The following FAT3 variants were observed in gnomAD, a reference collection of about 807,000 sequenced individuals.
FAT3 encodes FAT atypical cadherin 3.
FAT3 carries 95 observed loss-of-function variants against 310.2 expected under a neutral mutation model. The observed-to-expected ratio is 0.31, with a 90% CI of 0.26 to 0.36. The LOEUF is 0.36. Ranked by LOEUF, FAT3 falls within the 10% of genes least tolerant of loss-of-function variation. FAT3 has a pLI of 1.00. For missense variants in FAT3, 5,408 were observed against 5,715.6 expected, an observed-to-expected ratio of 0.95 and a Z score of 1.74; for synonymous variants, 2,314 against 2,192.9, an observed-to-expected ratio of 1.06 and a Z score of -1.54.
chr11:92,341,168 T>G (rs1948251654), intron 1 of FAT3, among the ~76,000 whole-genome samples: 1 of 152,200 alleles, frequency 6.6e-6, no homozygotes, highest in African/African-American at 2.4e-5. Context: ...ACACTTTCTT[T>G]AAGGCGTGTC....
At chr11:92,721,517 C>A (rs982240878) in intron 4 of FAT3, among the ~76,000 whole-genome samples, 2 of 152,100 alleles carry the variant, frequency 1.3e-5, no homozygotes, top group African/African-American at 4.8e-5. Context: ...CAATAATGAT[C>A]CTAATAAATC....
intron 1 of FAT3, among the ~76,000 whole-genome samples, chr11:92,344,955 G>A (rs1948371878): frequency 6.6e-6 from 1 of 152,088 alleles, no homozygotes; most frequent in South Asian, 2.1e-4. Context: ...GGAGATGAGG[G>A]AGGTTTATTT....
chr11:92,380,239 A>G (rs1467963424), intron 2 of FAT3, among the ~76,000 whole-genome samples: 2 of 152,134 alleles, frequency 1.3e-5, no homozygotes, highest in Non-Finnish European at 1.5e-5. Flanking sequence ...TCCCATTTGC[A>G]GTTGACCTTT....
chr11:92,426,386 C>A (rs1389985847), intron 2 of FAT3, among the ~76,000 whole-genome samples: 1 of 151,898 alleles, frequency 6.6e-6, no homozygotes, highest in Non-Finnish European at 1.5e-5. Flanking sequence ...TAAATTAGAC[C>A]CCATTTGTCA....
intron 12 of FAT3, among the ~76,000 whole-genome samples, chr11:92,807,299 G>A (rs1947529816): frequency 1.3e-5 from 2 of 152,130 alleles, no homozygotes; most frequent in South Asian, 2.1e-4. Context: ...TTAATTCAAG[G>A]TGCTCAGCAT....
chr11:92,427,066 T>C (rs1193898095), intron 2 of FAT3, among the ~76,000 whole-genome samples: 9 of 152,204 alleles, frequency 5.9e-5, no homozygotes, highest in Admixed American at 5.2e-4. Context: ...TGGTGGTTTG[T>C]CATTCTCCTT....
At chr11:92,885,281 G>T (rs1195488970) in intron 24 of FAT3, among the ~76,000 whole-genome samples, 1 of 152,176 alleles carries the variant, frequency 6.6e-6, no homozygotes, top group African/African-American at 2.4e-5. Context: ...GTGCCCCCAT[G>T]TTGGTACCAT....
At chr11:92,378,945 C>G (rs1949421094) in intron 2 of FAT3, among the ~76,000 whole-genome samples, 1 of 152,146 alleles carries the variant, frequency 6.6e-6, no homozygotes, top group Non-Finnish European at 1.5e-5. Context: ...GTGATCTAAT[C>G]ACTTTCCAAA....
chr11:92,292,355 T>A (rs1946714360), intron 1 of FAT3, among the ~76,000 whole-genome samples: 1 of 152,032 alleles, frequency 6.6e-6, no homozygotes, highest in Non-Finnish European at 1.5e-5. Context: ...CAGAACTGTA[T>A]TTTTCCTCAA....
intron 4 of FAT3, among the ~76,000 whole-genome samples, chr11:92,716,245 T>G (rs987723326): frequency 2.0e-5 from 3 of 151,408 alleles, no homozygotes; most frequent in Non-Finnish European, 4.4e-5. Flanking sequence ...AGGATAGTTC[T>G]TCCTCATGGA....
At chr11:92,880,700 C>T (rs1949654031) in intron 22 of FAT3, 31 bp from the exon 23 acceptor site, 2 of 1,602,460 alleles carry the variant, frequency 1.2e-6, no homozygotes, top group South Asian at 1.1e-5. Flanking sequence ...GCAGTGGCAT[C>T]CATGGCTCAT....
chr11:92,623,409 T>G (rs1353616956), intron 3 of FAT3, among the ~76,000 whole-genome samples: 2 of 152,186 alleles, frequency 1.3e-5, no homozygotes, highest in Non-Finnish European at 2.9e-5. Context: ...TGCTATTAAG[T>G]TAGAATTGCA....
chr11:92,666,269 G>A (rs536472481), intron 3 of FAT3, among the ~76,000 whole-genome samples: 1 of 151,840 alleles, frequency 6.6e-6, no homozygotes, highest in Admixed American at 6.6e-5. Context: ...TGATAAAGGT[G>A]TTAATTTGGC....
At chr11:92,753,702 C>T (rs937568857) in intron 4 of FAT3, among the ~76,000 whole-genome samples, 1 of 151,634 alleles carries the variant, frequency 6.6e-6, no homozygotes, top group African/African-American at 2.4e-5. Context: ...ACCAGCAATC[C>T]AACCTCTGGG....
chr11:92,531,063 C>T (rs139550750), intron 3 of FAT3, among the ~76,000 whole-genome samples: 4 of 152,214 alleles, frequency 2.6e-5, no homozygotes, highest in Admixed American at 2.0e-4. Flanking sequence ...AAATGGCTGC[C>T]GGATGATGAG....
In FAT3 at chr11:92,404,146, T is replaced by C. The variant is rs79425953; in HGVS notation, c.3292+48742T>C. ...TTTGGAACTTTCATCCATAAACTCA[T>C]TCATTAGTTCCTCCATTCAACAAAT... On this transcript the variant is annotated intron_variant, in intron 2 of 27. Coordinates refer to ENST00000525166, the MANE Select transcript of FAT3 (RefSeq NM_001367949.2). Among the ~76,000 whole-genome samples the C allele has an allele frequency of 1.6e-3, 240 of 152,246 alleles. 7 individuals carry two copies. In the East Asian group the frequency reaches 0.04, roughly 26 times the overall value.
At chr11:92,367,872 A>C (rs1490857297) in intron 2 of FAT3, among the ~76,000 whole-genome samples, 1 of 152,222 alleles carries the variant, frequency 6.6e-6, no homozygotes, top group African/African-American at 2.4e-5. Context: ...AGCAAGGGTT[A>C]ATTGTCAAGG....
At chr11:92,614,838 G>A (rs552238451) in intron 3 of FAT3, among the ~76,000 whole-genome samples, 31 of 152,028 alleles carry the variant, frequency 2.0e-4, no homozygotes, top group Non-Finnish European at 3.5e-4. Context: ...AAGTTACATC[G>A]TTCTTACATT....
chr11:92,687,174 A>C (rs1202929657), intron 3 of FAT3, among the ~76,000 whole-genome samples: 2 of 152,206 alleles, frequency 1.3e-5, no homozygotes, highest in Non-Finnish European at 2.9e-5. Context: ...CCTGCTTTTT[A>C]AACAGCATCT....
Sources: allele counts gnomAD v4.1 joint callset (sites outside exome capture counted in the v4.1 genomes callset), GRCh38; gene constraint gnomAD v4.1.1; transcripts MANE v1.5; gene names NCBI Gene and HGNC (gene_info 2026-07-23, HGNC 2026-07-21).